The following ST3GAL3 variants were observed in gnomAD, a reference collection of about 807,000 sequenced individuals.
ST3GAL3 encodes ST3 beta-galactoside alpha-2,3-sialyltransferase 3.
A neutral mutation model predicts 50.1 loss-of-function variants in ST3GAL3; 21 were observed. That is an observed-to-expected ratio of 0.42 (90% CI 0.30 to 0.60). The LOEUF is 0.60. ST3GAL3 is among the 20% of genes least tolerant of loss of function. The pLI is 0.19. For synonymous variants in ST3GAL3, 183 were observed against 190.0 expected (o/e 0.96, Z 0.30); for missense variants, 353 against 489.4 (o/e 0.72, Z 2.63).
In ST3GAL3 at chr1:43,721,295, C is replaced by CTTT. The variant is rs35508020; in HGVS notation, c.-31+13623_-31+13625dup. ...AGAAATGAAGTACCTATAATTAAACCTTTTTTTTTTTTTTTTTTTTTTTAA... is the reference window on the plus strand; with the variant it reads ...AGAAATGAAGTACCTATAATTAAACCTTTTTTTTTTTTTTTTTTTTTTTTTTAA... On this transcript the variant is annotated intron_variant, in intron 1 of 11. Transcript: ENST00000347631. Among the ~76,000 whole-genome samples, 35 of 99,842 alleles carry CTTT rather than the reference C, an allele frequency of 3.5e-4. 1 individual carries two copies. Among genetic ancestry groups the CTTT allele is most frequent in the African/African-American group, 1.2e-3 (32 of 25,768 alleles). The allele number at this position is 99,842 out of a possible 152,430, so 65.5% of individuals were successfully genotyped here. A position where few individuals can be genotyped will look rare whatever the true frequency, so the allele number is the denominator to read the frequency against.
At chr1:43,891,458 A>G (rs1281899486) in intron 5 of ST3GAL3, among the ~76,000 whole-genome samples, 1 of 152,180 alleles carries the variant, frequency 6.6e-6, no homozygotes, top group Non-Finnish European at 1.5e-5. Context: ...AATCCCAGCT[A>G]CTCGGGAGGC....
intron 2 of ST3GAL3, among the ~76,000 whole-genome samples, chr1:43,784,653 A>T (rs2057054054): frequency 6.6e-6 from 1 of 152,230 alleles, no homozygotes; most frequent in Non-Finnish European, 1.5e-5. Flanking sequence ...CTTTTCATAC[A>T]GTCTCTCGAG....
chr1:43,884,524 A>G (rs1405966328), intron 5 of ST3GAL3, among the ~76,000 whole-genome samples: 2 of 152,188 alleles, frequency 1.3e-5, no homozygotes, highest in African/African-American at 2.4e-5. Context: ...AAGCAAGACC[A>G]TGTAGACTCT....
chr1:43,899,168 C>T lies in ST3GAL3; in HGVS notation c.462C>T (p.Ser154=). 2.5e-6 allele frequency: 4 copies of T among 1,614,156 alleles called. No homozygotes were observed. Among genetic ancestry groups the T allele is most frequent in the Non-Finnish European group, 3.4e-6 (4 of 1,180,038 alleles). The change falls in exon 8 of 12, where the codon AGC becomes AGT. Residue 154 remains serine (S), a splice_region_variant and synonymous_variant. Coordinates refer to ENST00000347631, the MANE Select transcript of ST3GAL3 (RefSeq NM_006279.5). This position sits in a 1 kb window ranked among gnomAD's most constrained non-coding sequence, Gnocchi z 5.4. ...KEYRLTPALD[S]LRCRRCIIVG... ...GAGGTCTCCGCCTCTCTCCCCTCAG[C>T]CTCCGCTGCCGCCGCTGCATCATCG... is the stretch of plus-strand genomic sequence containing the variant.
At chr1:43,717,966 G>A (rs1211609215) in intron 1 of ST3GAL3, among the ~76,000 whole-genome samples, 1 of 151,388 alleles carries the variant, frequency 6.6e-6, no homozygotes, top group Non-Finnish European at 1.5e-5. Context: ...TCCACCTCCC[G>A]GGTTCAAGCG....
At chr1:43,896,418 C>A (rs914431926) in intron 6 of ST3GAL3, among the ~76,000 whole-genome samples, 1 of 152,178 alleles carries the variant, frequency 6.6e-6, no homozygotes, top group African/African-American at 2.4e-5. Flanking sequence ...GTACCTTCTA[C>A]CCAGCTGAAG....
At chr1:43,905,992 G>C (rs1228544507) in intron 9 of ST3GAL3, among the ~76,000 whole-genome samples, 1 of 41,724 alleles carries the variant, frequency 2.4e-5, no homozygotes, top group Non-Finnish European at 4.3e-5. Context: ...TCCCCTTCCC[G>C]CCACTCTTCC....
chr1:43,778,334 A>G (rs1052124335), intron 2 of ST3GAL3, among the ~76,000 whole-genome samples: 2 of 152,186 alleles, frequency 1.3e-5, no homozygotes, highest in Non-Finnish European at 2.9e-5. Context: ...TACCTAGGTG[A>G]TGGGTTGATC....
chr1:43,915,877 G>A (rs1289360830), intron 9 of ST3GAL3, among the ~76,000 whole-genome samples: 1 of 152,244 alleles, frequency 6.6e-6, no homozygotes, highest in African/African-American at 2.4e-5. Context: ...CCAGCACTTT[G>A]GGAGGCCGAG....
chr1:43,899,533 C>G lies in ST3GAL3; in HGVS notation c.558-8C>G. 6.2e-7 allele frequency: 1 copy of G among 1,611,982 alleles called. No homozygotes were observed. The highest frequency in any genetic ancestry group is 1.1e-5 in the South Asian group (1 of 91,070). On this transcript the variant is annotated splice_region_variant and splice_polypyrimidine_tract_variant and intron_variant, in intron 8 of 11. Coordinates refer to ENST00000347631, the MANE Select transcript of ST3GAL3 (RefSeq NM_006279.5). The surrounding 1 kb of genome is among the most constrained non-coding windows in gnomAD (Gnocchi z 5.4). ...GGCCCAGGCTCTGAGTGGGCCTGCTCTCTGTAGACTGAATTCAGCACCAGT... is the reference window on the plus strand; with the variant it reads ...GGCCCAGGCTCTGAGTGGGCCTGCTGTCTGTAGACTGAATTCAGCACCAGT...
At chr1:43,844,911 G>A (rs570352232) in intron 5 of ST3GAL3, among the ~76,000 whole-genome samples, 2 of 152,056 alleles carry the variant, frequency 1.3e-5, no homozygotes, top group Admixed American at 1.3e-4. Context: ...TTTATGTAGG[G>A]ACCAGGAGCA....
At chr1:43,846,567 G>T (rs757312628) in intron 5 of ST3GAL3, among the ~76,000 whole-genome samples, 3 of 152,144 alleles carry the variant, frequency 2.0e-5, no homozygotes, top group Non-Finnish European at 4.4e-5. Context: ...GGTGGTTGGG[G>T]AGCAGCCTAT....
chr1:43,788,710 T>C (rs1241957749), intron 2 of ST3GAL3, among the ~76,000 whole-genome samples: 1 of 152,248 alleles, frequency 6.6e-6, no homozygotes, highest in Non-Finnish European at 1.5e-5. Flanking sequence ...TTTGTATGTA[T>C]CAGTCATTAG....
chr1:43,742,241 G>T (rs1037423432), intron 2 of ST3GAL3, among the ~76,000 whole-genome samples: 3 of 152,116 alleles, frequency 2.0e-5, no homozygotes, highest in Non-Finnish European at 4.4e-5. Flanking sequence ...CTGGCGTCCA[G>T]CTGAGACCCC....
intron 2 of ST3GAL3, among the ~76,000 whole-genome samples, chr1:43,749,397 A>T (rs1423974825): frequency 6.6e-6 from 1 of 152,222 alleles, no homozygotes; most frequent in Non-Finnish European, 1.5e-5. Flanking sequence ...TATTGACAAG[A>T]TACATTGGGC....
At chr1:43,794,395 AAAAGC>A in intron 3 of ST3GAL3, among the ~76,000 whole-genome samples, 1 of 152,318 alleles carries the variant, frequency 6.6e-6, no homozygotes, top group East Asian at 1.9e-4. Flanking sequence ...GCAAAACTTG[AAAAGC>A]TTGACAATTC....
At chr1:43,726,091 T>C (rs999158626) in intron 1 of ST3GAL3, among the ~76,000 whole-genome samples, 1 of 152,100 alleles carries the variant, frequency 6.6e-6, no homozygotes, top group Non-Finnish European at 1.5e-5. Flanking sequence ...AAAATTCCTT[T>C]CCCTTTTTAA....
At chr1:43,917,702 T>G (rs1322422396) in intron 9 of ST3GAL3, among the ~76,000 whole-genome samples, 4 of 128,604 alleles carry the variant, frequency 3.1e-5, no homozygotes, top group Non-Finnish European at 6.3e-5. Flanking sequence ...AGAGTCTCAC[T>G]CTGTCATTCA....
At chr1:43,817,480 GTTC>G (rs1202881780) in intron 4 of ST3GAL3, among the ~76,000 whole-genome samples, 25 of 124,500 alleles carry the variant, frequency 2.0e-4, no homozygotes, top group Admixed American at 2.9e-4. Context: ...CCTTCTCCTT[GTTC>G]TTCTTCTCCT....
Sources: allele counts gnomAD v4.1 joint callset (sites outside exome capture counted in the v4.1 genomes callset), GRCh38; gene constraint gnomAD v4.1.1; non-coding constraint Gnocchi (gnomAD v3.1); transcripts MANE v1.5; gene names NCBI Gene and HGNC (gene_info 2026-07-23, HGNC 2026-07-21).